Variants in ABRAXAS1 observed in about 807,000 individuals in gnomAD.
The protein encoded by ABRAXAS1 is BRCA1-A complex subunit Abraxas 1.
In ABRAXAS1, 26 loss-of-function variants were observed where a neutral mutation model predicts 38.4. That is an observed-to-expected ratio of 0.68 (90% CI 0.50 to 0.94). The LOEUF (loss-of-function observed/expected upper bound fraction) is 0.94. ABRAXAS1 is among the 40% of genes least tolerant of loss of function. ABRAXAS1 has a pLI of 0.00. For missense variants in ABRAXAS1, 438 were observed against 481.9 expected (o/e 0.91, Z 0.85); for synonymous variants, 144 against 165.5 (o/e 0.87, Z 1.00).
intron 3 of ABRAXAS1, among the ~76,000 whole-genome samples, chr4:83,475,751 G>A (rs1475363620): frequency 6.7e-6 from 1 of 148,462 alleles, no homozygotes; most frequent in African/African-American, 2.4e-5. Flanking sequence ...ACATGTGTTT[G>A]CTTTATGAAA....
At chr4:83,475,562 GC>G (rs1394456329) in intron 3 of ABRAXAS1, among the ~76,000 whole-genome samples, 1 of 152,070 alleles carries the variant, frequency 6.6e-6, no homozygotes, top group Non-Finnish European at 1.5e-5. Context: ...TCCTGCCTCA[GC>G]CTCCCCAGTA....
intron 2 of ABRAXAS1, chr4:83,478,083 G>T: frequency 1.1e-6 from 1 of 900,920 alleles, no homozygotes; most frequent in Non-Finnish European, 1.8e-6. Flanking sequence ...ATCGTTGTGG[G>T]AGTAGAGCTA....
Position 83,462,819 on chromosome 4 carries a change from G to GA in ABRAXAS1, c.879dup (p.Leu294SerfsTer11), listed in dbSNP as rs769078691. On this transcript the variant is annotated frameshift_variant, in exon 9 of 9. Coordinates refer to ENST00000321945, the MANE Select transcript of ABRAXAS1 (RefSeq NM_139076.3). LOFTEE classifies it low-confidence loss of function (END_TRUNC). ...TTTAAAGACATAACACATGAATGAAGAAATTCAGAATTTGGAAAAAAGGTC... is the reference window on the plus strand; with the variant it reads ...TTTAAAGACATAACACATGAATGAAGAAAATTCAGAATTTGGAAAAAAGGTC... The GA allele has an allele frequency of 5.6e-6, 9 of 1,611,284 alleles. No homozygotes were observed. The highest frequency in any genetic ancestry group is 7.6e-6 in the Non-Finnish European group (9 of 1,179,328).
rs758151655 is a variant in ABRAXAS1 at position 83,470,257 on chromosome 4, GTTA to G, written c.419_421del (p.Ile140del). ...CAGTCGATGAGTAGAGCAGCTTTCT[GTTA>G]TTATACTTGGTGTTAATAGCAGAAA... On this transcript the variant is annotated inframe_deletion, in exon 5 of 9. Transcript: ENST00000321945. The G allele has an allele frequency of 6.2e-7, 1 of 1,613,708 alleles. No homozygotes were observed. Among genetic ancestry groups the G allele is most frequent in the African/African-American group, 1.3e-5 (1 of 75,006 alleles).
chr4:83,483,962 G>C (rs1288524162), intron 1 of ABRAXAS1: 10 of 920,006 alleles, frequency 1.1e-5, no homozygotes, highest in Non-Finnish European at 1.3e-5. Flanking sequence ...ACTTTGTAAG[G>C]TTATCTGAAA....
intron 1 of ABRAXAS1, chr4:83,484,769 G>A: frequency 1.9e-5 from 8 of 422,846 alleles, no homozygotes; most frequent in Admixed American, 4.4e-5. Context: ...GGGAAATAAC[G>A]GAGGATAGCA....
At chr4:83,471,189 AT>A in intron 4 of ABRAXAS1, among the ~76,000 whole-genome samples, 1 of 124,158 alleles carries the variant, frequency 8.1e-6, no homozygotes, top group Admixed American at 8.5e-5. Context: ...TGAAAGAAAC[AT>A]CTTTTTTTTT....
In ABRAXAS1 at chr4:83,485,025, G is replaced by A. The variant is rs748478647; in HGVS notation, c.48C>T (p.Gly16=). 6.9e-6 allele frequency: 11 copies of A among 1,596,146 alleles called. No homozygotes were observed. The highest frequency in any genetic ancestry group is 9.4e-6 in the Non-Finnish European group (11 of 1,172,006). ...TGTTGAGGTGCTGGAAAGCGAGTGC[G>A]CCGAGCACAAAGCCCGAGAGCACCG... ...TSAVLSGFVL[G]ALAFQHLNTD... is the part of the protein sequence containing the mutation. The change falls in exon 1 of 9, where the codon GGC becomes GGT. Residue 16 remains glycine, a synonymous_variant. Coordinates refer to ENST00000321945, the MANE Select transcript of ABRAXAS1 (RefSeq NM_139076.3).
Position 83,462,666 on chromosome 4 carries a change from T to TA in ABRAXAS1, c.1032dup (p.Lys345Ter), listed in dbSNP as rs587780261. 62 of 1,613,898 alleles carry TA rather than the reference T, an allele frequency of 3.8e-5. No homozygotes were observed. Among genetic ancestry groups the TA allele is most frequent in the Non-Finnish European group, 5.2e-5 (61 of 1,180,008 alleles). ...TCATCTAAGTCTAAGGCTTTATGCT[T>TA]AATGATTTGTGGTGTACTAGCTGGA... On this transcript the variant is annotated frameshift_variant, in exon 9 of 9. Transcript: ENST00000321945. LOFTEE classifies it low-confidence loss of function (END_TRUNC).
At chr4:83,484,920 G>A in intron 1 of ABRAXAS1, 66 bp downstream of exon 1, 5 of 1,387,068 alleles carry the variant, frequency 3.6e-6, no homozygotes, top group South Asian at 2.6e-5. Context: ...AGCAACAGCG[G>A]GGAGGCAGGC....
chr4:83,472,559 T>C (rs1046242116), intron 3 of ABRAXAS1, among the ~76,000 whole-genome samples: 1 of 152,230 alleles, frequency 6.6e-6, no homozygotes, highest in African/African-American at 2.4e-5. Context: ...CCTAAAACAG[T>C]AAACTATCCA....
chr4:83,475,176 G>C (rs916234842), intron 3 of ABRAXAS1, among the ~76,000 whole-genome samples: 5 of 152,064 alleles, frequency 3.3e-5, no homozygotes, highest in African/African-American at 9.7e-5. Context: ...TCCTTTGTTG[G>C]TCCAGAAGAT....
At chr4:83,474,732 A>G (rs964549533) in intron 3 of ABRAXAS1, among the ~76,000 whole-genome samples, 12 of 140,874 alleles carry the variant, frequency 8.5e-5, no homozygotes, top group Non-Finnish European at 1.6e-4. Flanking sequence ...AAAAAAAAGT[A>G]GTAAACAGTC....
At chr4:83,471,950 G>A (rs112723272) in intron 4 of ABRAXAS1, among the ~76,000 whole-genome samples, 50 of 152,306 alleles carry the variant, frequency 3.3e-4, no homozygotes, top group African/African-American at 1.2e-3. Flanking sequence ...ATAAATGGTA[G>A]TGGGAAGAGG....
chr4:83,478,898 T>G (rs1722881070), intron 2 of ABRAXAS1: 1 of 152,298 alleles, frequency 6.6e-6, no homozygotes, highest in South Asian at 2.1e-4. Context: ...TTTCCTTAAG[T>G]AATGTGATTA....
Position 83,462,110 on chromosome 4 carries a change from C to T in ABRAXAS1, c.*359G>A. 1 of 247,500 alleles carries T rather than the reference C, an allele frequency of 4.0e-6. No individual in the cohort carries two copies. Among genetic ancestry groups the T allele is most frequent in the Non-Finnish European group, 7.8e-6 (1 of 128,446 alleles). 15.3% of individuals were successfully genotyped at this position (247,500 alleles called of 1,614,324 possible). On this transcript the variant is annotated 3_prime_UTR_variant, in exon 9 of 9. Transcript: ENST00000321945. ...GTCTCAATACGTTGCCCAGGCTGGTCTCTAACTCCTAACTTCAATCAATCC... is the reference window on the plus strand; with the variant it reads ...GTCTCAATACGTTGCCCAGGCTGGTTTCTAACTCCTAACTTCAATCAATCC...
intron 7 of ABRAXAS1, among the ~76,000 whole-genome samples, chr4:83,464,291 A>G (rs1291472351): frequency 1.3e-5 from 2 of 152,244 alleles, no homozygotes; most frequent in Non-Finnish European, 2.9e-5. Context: ...CAAAGTGACT[A>G]TCTTACTATT....
Position 83,461,137 on chromosome 4 carries a change from A to G in ABRAXAS1, c.*1332T>C. The G allele has an allele frequency of 6.2e-7, 1 of 1,613,662 alleles. No homozygotes were observed. Among genetic ancestry groups the G allele is most frequent in the Non-Finnish European group, 8.5e-7 (1 of 1,179,844 alleles). ...TCTTTACAGGGTTTATGCCAGTTAC[A>G]TACAAGGATCCTGCATATCTCAAGG... On this transcript the variant is annotated 3_prime_UTR_variant, in exon 9 of 9. Transcript: ENST00000321945.
chr4:83,468,119 A>C (rs989619718), intron 6 of ABRAXAS1, among the ~76,000 whole-genome samples: 1 of 152,004 alleles, frequency 6.6e-6, no homozygotes, highest in African/African-American at 2.4e-5. Flanking sequence ...CCTGACCAAC[A>C]TGGAGAAACC....
Sources: gnomAD v4.1 joint callset for allele counts (sites outside exome capture counted in the v4.1 genomes callset) on GRCh38, gnomAD v4.1.1 for gene constraint, MANE v1.5 for transcripts, NCBI Gene and HGNC (gene_info 2026-07-23, HGNC 2026-07-21) for gene names.